The following BET1 variants were observed in gnomAD, a reference collection of about 807,000 sequenced individuals.
The protein encoded by BET1 is Bet1 golgi vesicular membrane trafficking protein.
In BET1, 9 loss-of-function variants were observed where a neutral mutation model predicts 13.9. The ratio of observed to expected loss-of-function variants is 0.65; its 90% CI spans 0.39 to 1.13. BET1 has a LOEUF of 1.13. Ranked by LOEUF, BET1 falls within the 50% of genes most tolerant of loss-of-function variation. The probability of loss-of-function intolerance (pLI) is 0.01; values close to 1 mark genes in which losing one functional copy is unlikely to be tolerated. For synonymous variants in BET1, 39 were observed against 47.3 expected (o/e 0.82, Z 0.72); for missense variants, 127 against 133.6 (o/e 0.95, Z 0.24).
intron 6 of BET1, among the ~76,000 whole-genome samples, chr7:93,972,224 A>G (rs540092151): frequency 1.3e-5 from 2 of 151,888 alleles, no homozygotes; most frequent in African/African-American, 4.8e-5. Context: ...CAATGTCACA[A>G]CACTGTAAGT....
intron 3 of BET1, among the ~76,000 whole-genome samples, chr7:93,994,792 T>C (rs377120918): frequency 2.4e-4 from 37 of 152,348 alleles, no homozygotes; most frequent in African/African-American, 7.9e-4. Context: ...GCTACCCAAG[T>C]AGAGGATTTC....
intron 4 of BET1, among the ~76,000 whole-genome samples, chr7:93,985,343 C>A (rs770014676): frequency 6.6e-6 from 1 of 152,168 alleles, no homozygotes; most frequent in Non-Finnish European, 1.5e-5. Flanking sequence ...TTTAATGGCT[C>A]TGGGCCAGAA....
intron 6 of BET1, among the ~76,000 whole-genome samples, chr7:93,968,950 C>A (rs1291002206): frequency 6.6e-6 from 1 of 151,876 alleles, no homozygotes; most frequent in Non-Finnish European, 1.5e-5. Context: ...ATTTGACCAT[C>A]TTTTCTTCTC....
At chr7:93,976,170 A>T in intron 4 of BET1, 2 of 1,033,658 alleles carry the variant, frequency 1.9e-6, no homozygotes, top group Non-Finnish European at 2.5e-6. Flanking sequence ...CATTTAAAGT[A>T]GAAGTAAATG....
At chr7:93,975,737 A>AT (rs1385095829) in intron 5 of BET1, among the ~76,000 whole-genome samples, 4 of 152,094 alleles carry the variant, frequency 2.6e-5, no homozygotes, top group Non-Finnish European at 5.9e-5. Context: ...GAAAGCCGAG[A>AT]TGATCCAGAT....
At chr7:94,000,798 A>G (rs1380937171) in intron 1 of BET1, among the ~76,000 whole-genome samples, 2 of 152,208 alleles carry the variant, frequency 1.3e-5, no homozygotes, top group Non-Finnish European at 1.5e-5. Flanking sequence ...AGCAGATTCA[A>G]CAGTGACTTG....
chr7:93,967,183 T>C (rs2116014888), intron 6 of BET1, among the ~76,000 whole-genome samples: 1 of 152,008 alleles, frequency 6.6e-6, no homozygotes, highest in Middle Eastern at 3.4e-3. Context: ...TCAAACCGTA[T>C]GGCAACTTCT....
At position 93,999,149 on chromosome 7, in the gene BET1, T is replaced by A. The variant is rs1283220690; in HGVS notation, c.144+21A>T. 9 of 1,545,030 alleles carry A rather than the reference T, an allele frequency of 5.8e-6. No homozygotes were observed. In the African/African-American group the frequency reaches 1.2e-4, roughly 21 times the overall value. On this transcript the variant is annotated intron_variant, in intron 2 of 3. Transcript: ENST00000222547. Reference sequence around the variant, plus strand: ...AGAAATATATGAATTAAAACACATATAATATTTGTTATATACTTACAGATT... The same window carrying A: ...AGAAATATATGAATTAAAACACATAAAATATTTGTTATATACTTACAGATT...
chr7:93,999,865 G>A, intron 1 of BET1: 3 of 349,210 alleles, frequency 8.6e-6, no homozygotes, highest in Middle Eastern at 3.9e-4. Flanking sequence ...GAGTCAAGAG[G>A]GAGATTCATT....
At position 93,994,310 on chromosome 7, in the gene BET1, G is replaced by C. The variant is rs781241575; in HGVS notation, c.277C>G (p.Gln93Glu). ...GKLKILSRGS[Q>E]TKLLCYMMLF... ...ATCATATAGCACAGCAGCTTTGTTT[G>C]GCTCCCTCTGGATAAAATCTTCAGT... Residue 93 changes from glutamine (Q) to glutamate (E), a missense_variant, in exon 4 of 4, where the codon CAA becomes GAA. Physicochemically the swap from Gln to Glu is conservative, Grantham distance 29 (BLOSUM62 2). Transcript: ENST00000222547. 1.2e-6 allele frequency: 2 copies of C among 1,613,660 alleles called. No individual in the cohort carries two copies. The highest frequency in any genetic ancestry group is 1.7e-6 in the Non-Finnish European group (2 of 1,179,838).
intron 1 of BET1, among the ~76,000 whole-genome samples, chr7:94,001,549 A>C (rs1487545264): frequency 6.6e-6 from 1 of 152,192 alleles, no homozygotes; most frequent in African/African-American, 2.4e-5. Context: ...TTTGCTGCTG[A>C]CACACTATCC....
Position 93,999,165 on chromosome 7 carries a change from C to T in BET1, c.144+5G>A. ...AAACACATATAATATTTGTTATATA[C>T]TTACAGATTTTATAGCAGTTACTTT... is the stretch of plus-strand genomic sequence containing the variant. On this transcript the variant is annotated splice_donor_5th_base_variant and intron_variant, in intron 2 of 3. Coordinates refer to ENST00000222547, the MANE Select transcript of BET1 (RefSeq NM_005868.6). 6.2e-7 allele frequency: 1 copy of T among 1,601,704 alleles called. No individual in the cohort carries two copies. The highest frequency in any genetic ancestry group is 8.5e-7 in the Non-Finnish European group (1 of 1,170,980).
At chr7:93,965,704 A>T (rs1795161539) in intron 6 of BET1, 1 of 152,076 alleles carries the variant, frequency 6.6e-6, no homozygotes, top group Admixed American at 6.6e-5. Context: ...AAAATACAAG[A>T]TTTATGAAAG....
At chr7:93,978,076 C>CTT (rs11266825) in intron 4 of BET1, among the ~76,000 whole-genome samples, 2 of 147,788 alleles carry the variant, frequency 1.4e-5, no homozygotes, top group African/African-American at 2.5e-5. Flanking sequence ...AACTTTGTTT[C>CTT]TTTTTTTTTT....
chr7:93,966,566 C>T (rs1795176604), intron 6 of BET1, among the ~76,000 whole-genome samples: 1 of 150,678 alleles, frequency 6.6e-6, no homozygotes, highest in African/African-American at 2.4e-5. Context: ...TAGCCAATGT[C>T]ACTTGAAAGT....
chr7:93,978,467 A>G (rs1260768721), intron 4 of BET1, among the ~76,000 whole-genome samples: 8 of 152,046 alleles, frequency 5.3e-5, no homozygotes, highest in Non-Finnish European at 1.0e-4. Context: ...TTCCTATACA[A>G]TATTGCCCAC....
At chr7:93,968,544 C>A (rs774613947) in intron 6 of BET1, among the ~76,000 whole-genome samples, 1 of 151,770 alleles carries the variant, frequency 6.6e-6, no homozygotes, top group African/African-American at 2.4e-5. Flanking sequence ...GTTTTGTATG[C>A]ATCATTATTT....
chr7:93,991,740 T>C (rs1045886353), downstream of BET1: 2 of 918,034 alleles, frequency 2.2e-6, no homozygotes, highest in Non-Finnish European at 2.6e-6. Flanking sequence ...TGTAACTTCA[T>C]AGCCTTTGGT....
chr7:94,002,407 G>A (rs144266868), intron 1 of BET1, among the ~76,000 whole-genome samples: 31 of 145,776 alleles, frequency 2.1e-4, no homozygotes, highest in Admixed American at 6.9e-4. Flanking sequence ...TATAGCAATA[G>A]TAGTTACCTA....
Sources: allele counts gnomAD v4.1 joint callset (sites outside exome capture counted in the v4.1 genomes callset), GRCh38; gene constraint gnomAD v4.1.1; transcripts MANE v1.5; gene names NCBI Gene and HGNC (gene_info 2026-07-23, HGNC 2026-07-21).